NUP98: variants seen among roughly 807,000 people sequenced by gnomAD.
NUP98 encodes the protein nucleoporin 98 and 96 precursor, also known as nuclear pore complex protein Nup98-Nup96.
A neutral mutation model predicts 191.9 loss-of-function variants in NUP98; 26 were observed. The observed-to-expected ratio is 0.14, with a 90% CI of 0.10 to 0.19. The LOEUF is 0.19. NUP98 is among the 10% of genes least tolerant of loss of function. The pLI, the probability that NUP98 is intolerant of heterozygous loss-of-function variation, is 1.00. For synonymous variants in NUP98, 808 were observed against 778.4 expected (o/e 1.04, Z -0.63); for missense variants, 1,941 against 2,178.8 (o/e 0.89, Z 2.17).
At chr11:3,720,975 A>AGAGTGTGTGTGTGT (rs142023494) in intron 16 of NUP98, 150 bp from the exon 17 acceptor site, 5 of 324,598 alleles carry the variant, frequency 1.5e-5, no homozygotes, top group African/African-American at 9.1e-5. Context: ...GGGGTGTGTG[A>AGAGTGTGTGTGTGT]GTGTGTGTGT....
At chr11:3,711,193 C>T (rs2079014809) in intron 20 of NUP98, among the ~76,000 whole-genome samples, 6 of 151,900 alleles carry the variant, frequency 3.9e-5, no homozygotes, top group Non-Finnish European at 7.4e-5. Flanking sequence ...CACAGAGAGC[C>T]GAGACTGCAC....
At chr11:3,747,553 G>A (rs374346035) in intron 11 of NUP98, among the ~76,000 whole-genome samples, 14 of 152,104 alleles carry the variant, frequency 9.2e-5, no homozygotes, top group Admixed American at 2.6e-4. Context: ...CACATGGGGC[G>A]GGAGAAAATC....
intron 28 of NUP98, among the ~76,000 whole-genome samples, chr11:3,689,421 G>T (rs1056477116): frequency 3.9e-5 from 6 of 151,944 alleles, no homozygotes; most frequent in African/African-American, 1.5e-4. Context: ...CAGCTACTTG[G>T]GAGGCTGAGG....
At chr11:3,739,712 A>C (rs1488065887) in intron 12 of NUP98, among the ~76,000 whole-genome samples, 1 of 152,140 alleles carries the variant, frequency 6.6e-6, no homozygotes, top group Non-Finnish European at 1.5e-5. Flanking sequence ...AAATGAACAC[A>C]TGAGAAAATC....
chr11:3,774,808 T>A (rs1472525802), intron 5 of NUP98, among the ~76,000 whole-genome samples: 3 of 152,202 alleles, frequency 2.0e-5, no homozygotes, highest in Admixed American at 2.0e-4. Context: ...TATTGCCAGT[T>A]TTCTCAACTA....
At chr11:3,713,345 T>C (rs2079076673) in intron 19 of NUP98, among the ~76,000 whole-genome samples, 1 of 152,222 alleles carries the variant, frequency 6.6e-6, no homozygotes, top group African/African-American at 2.4e-5. Flanking sequence ...AAGAACTCAT[T>C]ACTGCTGAAT....
At chr11:3,692,089 T>A (rs1215043895) in intron 27 of NUP98, among the ~76,000 whole-genome samples, 2 of 152,092 alleles carry the variant, frequency 1.3e-5, no homozygotes, top group East Asian at 3.9e-4. Flanking sequence ...CATGCATGCG[T>A]GTGAGATGTG....
At chr11:3,727,883 T>C (rs576347426) in intron 14 of NUP98, among the ~76,000 whole-genome samples, 61 of 151,854 alleles carry the variant, frequency 4.0e-4, no homozygotes, top group African/African-American at 1.3e-3. Context: ...ATTAGCCAGG[T>C]GTGGTGGCAC....
chr11:3,789,622 C>G (rs1192098318), intron 1 of NUP98, among the ~76,000 whole-genome samples: 1 of 147,144 alleles, frequency 6.8e-6, no homozygotes, highest in Non-Finnish European at 1.5e-5. Flanking sequence ...TTCAACTGAT[C>G]CTCCCACTTT....
intron 6 of NUP98, among the ~76,000 whole-genome samples, 164 bp downstream of exon 6, chr11:3,773,468 T>C (rs2081600471): frequency 1.3e-5 from 2 of 152,198 alleles, no homozygotes. Context: ...AGTAGATATC[T>C]ATAAATAATA....
rs202059848 is a variant in NUP98 at position 3,691,425 on chromosome 11, C to T, written c.4376G>A (p.Cys1459Tyr). The T allele has an allele frequency of 1.7e-5, 27 of 1,614,072 alleles. No homozygotes were observed. The highest frequency in any genetic ancestry group is 2.2e-5 in the Non-Finnish European group (26 of 1,180,030). Residue 1459 changes from cysteine (C) to tyrosine (Y), a missense_variant, in exon 28 of 33, where the codon TGT becomes TAT. By Grantham distance (194) the Cys-to-Tyr change is radical. Transcript: ENST00000324932. The stretch of plus-strand genomic sequence containing the variant: ...TGAGTTTTGCTCCTCCGCTATCACA[C>T]AGCCAGAACCCTCCAGATACGAAGG... ...PLPSYLEGSG[C>Y]VIAEEQNSQT...
chr11:3,755,846 C>A (rs1439958812), intron 10 of NUP98, among the ~76,000 whole-genome samples: 3 of 137,218 alleles, frequency 2.2e-5, no homozygotes, highest in Non-Finnish European at 1.7e-5. Flanking sequence ...CGCCTATAAT[C>A]CCAACTACTT....
chr11:3,690,238 C>G (rs1184294131), intron 28 of NUP98, among the ~76,000 whole-genome samples: 1 of 151,536 alleles, frequency 6.6e-6, no homozygotes, highest in African/African-American at 2.4e-5. Context: ...CAGGTGTGAG[C>G]CACCGCGCCT....
chr11:3,729,585 T>C (rs1454143097), intron 14 of NUP98, among the ~76,000 whole-genome samples: 1 of 138,174 alleles, frequency 7.2e-6, no homozygotes, highest in Non-Finnish European at 1.5e-5. Flanking sequence ...GGCATGGTGG[T>C]GTGGGCCTGT....
rs1225971690 is a variant in NUP98, at chr11:3,797,520, C to A, written c.-149G>T. 2.3e-6 allele frequency: 1 copy of A among 443,326 alleles called. No homozygotes were observed. The highest frequency in any genetic ancestry group is 4.4e-5 in the Admixed American group (1 of 22,930). The allele number at this position is 443,326 out of a possible 1,614,324, so 27.5% of individuals were successfully genotyped here. On this transcript the variant is annotated 5_prime_UTR_variant, in exon 1 of 33. Coordinates refer to ENST00000324932, the MANE Select transcript of NUP98 (RefSeq NM_016320.5). ...CCGCTACCACCCCTGCCACCGACCG[C>A]CGCTTCGGGCGCAGCGCGCAGAGGG...
intron 24 of NUP98, among the ~76,000 whole-genome samples, chr11:3,700,171 T>C (rs1349282093): frequency 2.0e-5 from 3 of 148,752 alleles, no homozygotes; most frequent in Non-Finnish European, 4.4e-5. Flanking sequence ...CTGGCCAATA[T>C]GGTGAAACCC....
Position 3,709,976 on chromosome 11 carries a change from TAA to T in NUP98, c.2742+2586_2742+2587del, listed in dbSNP as rs1269831718. ...TACCCTAAAACTTAAAGTACAATAA[TAA>T]TTTAAAAAAAAAAAGTTTACAAAAA... On this transcript the variant is annotated intron_variant, in intron 20 of 32. Transcript: ENST00000324932. 9.9e-4 allele frequency among the ~76,000 whole-genome samples: 70 copies of T among 70,614 alleles called. 1 individual carries two copies. Among genetic ancestry groups the T allele is most frequent in the Middle Eastern group, 0.014 (2 of 138 alleles). The allele number at this position is 70,614 out of a possible 152,430, so 46.3% of individuals were successfully genotyped here.
At position 3,675,192 on chromosome 11, in the gene NUP98, T is replaced by C. The variant is rs1439542125; in HGVS notation, c.*967A>G. The C allele has an allele frequency of 4.7e-6, 1 of 211,204 alleles. No individual in the cohort carries two copies. The highest frequency in any genetic ancestry group is 2.3e-5 in the African/African-American group (1 of 44,030). The allele number at this position is 211,204 out of a possible 1,614,324, so 13.1% of individuals were successfully genotyped here. ...TGAGATAGCCCTAACACCAGCTATC[T>C]CATGCCATTACCTGGGGCTCCCTAT... On this transcript the variant is annotated 3_prime_UTR_variant, in exon 33 of 33. Coordinates refer to ENST00000324932, the MANE Select transcript of NUP98 (RefSeq NM_016320.5).
chr11:3,751,808 G>A (rs886793449), intron 11 of NUP98, among the ~76,000 whole-genome samples: 2 of 152,060 alleles, frequency 1.3e-5, no homozygotes, highest in Non-Finnish European at 2.9e-5. Context: ...GCAGTGAGCT[G>A]TGATCATGCC....
Sources: allele counts gnomAD v4.1 joint callset (sites outside exome capture counted in the v4.1 genomes callset), GRCh38; gene constraint gnomAD v4.1.1; transcripts MANE v1.5; gene names NCBI Gene and HGNC (gene_info 2026-07-23, HGNC 2026-07-21).